The following GPATCH2 variants were observed in gnomAD, a reference collection of about 807,000 sequenced individuals.
The protein encoded by GPATCH2 is G-patch domain containing 2, also known as G patch domain-containing protein 2.
Under a neutral mutation model 58.0 loss-of-function variants are expected in GPATCH2, and 51 were observed. The observed-to-expected ratio is 0.88, with a 90% CI of 0.70 to 1.11. The LOEUF (loss-of-function observed/expected upper bound fraction) is 1.11. Ranked by LOEUF, GPATCH2 falls within the 50% of genes most tolerant of loss-of-function variation. The pLI, the probability that GPATCH2 is intolerant of heterozygous loss-of-function variation, is 0.00. For synonymous variants in GPATCH2, 222 were observed against 218.5 expected (o/e 1.02, Z -0.14); for missense variants, 625 against 652.2 (o/e 0.96, Z 0.45).
At chr1:217,563,761 T>C (rs1294112366) in intron 5 of GPATCH2, among the ~76,000 whole-genome samples, 2 of 152,132 alleles carry the variant, frequency 1.3e-5, no homozygotes, top group Non-Finnish European at 2.9e-5. Context: ...GAAGTATATG[T>C]AGGCCGGGCG....
chr1:217,600,530 A>AGAT (rs1668058634), intron 5 of GPATCH2, among the ~76,000 whole-genome samples: 1 of 152,180 alleles, frequency 6.6e-6, no homozygotes, highest in Non-Finnish European at 1.5e-5. Context: ...GATATCTGAC[A>AGAT]TATCTGAAGG....
chr1:217,557,268 G>C (rs140537306), intron 5 of GPATCH2, among the ~76,000 whole-genome samples: 1 of 151,992 alleles, frequency 6.6e-6, no homozygotes, highest in Non-Finnish European at 1.5e-5. Context: ...TTGGCTGGGC[G>C]TGGTGGCGGG....
chr1:217,431,801 T>TCA (rs1458725583), intron 9 of GPATCH2, among the ~76,000 whole-genome samples: 2 of 152,188 alleles, frequency 1.3e-5, no homozygotes, highest in Non-Finnish European at 2.9e-5. Flanking sequence ...TTGTAATATC[T>TCA]CACATTTGCC....
intron 1 of GPATCH2, among the ~76,000 whole-genome samples, chr1:217,628,943 T>C (rs1450556012): frequency 1.3e-5 from 2 of 152,142 alleles, no homozygotes; most frequent in Admixed American, 6.5e-5. Context: ...GGGGGTATAC[T>C]GGAATCATCC....
intron 5 of GPATCH2, among the ~76,000 whole-genome samples, chr1:217,557,803 T>C (rs1348505511): frequency 6.6e-6 from 1 of 152,224 alleles, no homozygotes; most frequent in Non-Finnish European, 1.5e-5. Flanking sequence ...GCACCGATAC[T>C]ATACTGCCCA....
At chr1:217,431,456 TTG>T in intron 9 of GPATCH2, 91 bp from the exon 10 acceptor site, 1 of 801,414 alleles carries the variant, frequency 1.2e-6, no homozygotes, top group Non-Finnish European at 2.2e-6. Context: ...AAGTTTTGTT[TTG>T]TTTTGTTTTT....
At position 217,463,641 on chromosome 1, in the gene GPATCH2, C is replaced by CAAAAAAAA. The variant is rs201402598; in HGVS notation, c.1278-14312_1278-14305dup. 1.1e-3 allele frequency among the ~76,000 whole-genome samples: 93 copies of CAAAAAAAA among 82,450 alleles called. 2 individuals carry two copies. Among genetic ancestry groups the CAAAAAAAA allele is most frequent in the Non-Finnish European group, 1.5e-3 (68 of 45,024 alleles). The allele number at this position is 82,450 out of a possible 152,430, so 54.1% of individuals were successfully genotyped here. On this transcript the variant is annotated intron_variant, in intron 8 of 9. Coordinates refer to ENST00000366935, the MANE Select transcript of GPATCH2 (RefSeq NM_018040.5). ...GCAACATAGCAAGAACTTATCACTC[C>CAAAAAAAA]AAAAAAAAAAAAAAAAAAAAAAAAA...
chr1:217,629,946 A>G (rs1412810947), intron 1 of GPATCH2, among the ~76,000 whole-genome samples: 2 of 152,222 alleles, frequency 1.3e-5, no homozygotes, highest in Admixed American at 1.3e-4. Flanking sequence ...ACAGACTACT[A>G]GAATTCCTCA....
intron 5 of GPATCH2, among the ~76,000 whole-genome samples, chr1:217,586,418 C>T (rs1259226478): frequency 6.6e-6 from 1 of 151,696 alleles, no homozygotes; most frequent in Non-Finnish European, 1.5e-5. Flanking sequence ...CAAACACACA[C>T]ATTAGCCCAG....
At chr1:217,574,060 C>A (rs1430888235) in intron 5 of GPATCH2, among the ~76,000 whole-genome samples, 3 of 152,042 alleles carry the variant, frequency 2.0e-5, no homozygotes, top group Non-Finnish European at 4.4e-5. Context: ...AACATGGATA[C>A]CAAATAGGAA....
intron 5 of GPATCH2, among the ~76,000 whole-genome samples, chr1:217,528,856 G>A (rs79538232): frequency 0.01 from 1,555 of 152,268 alleles, 14 homozygotes; most frequent in Non-Finnish European, 0.014. Context: ...ACTGTCTTGG[G>A]ATTCAAGAAA....
intron 7 of GPATCH2, among the ~76,000 whole-genome samples, chr1:217,492,983 A>C (rs1661822613): frequency 6.6e-6 from 1 of 152,226 alleles, no homozygotes; most frequent in South Asian, 2.1e-4. Context: ...TTGAGAAGGA[A>C]TAGACCTTCC....
At chr1:217,550,090 C>T (rs1156859768) in intron 5 of GPATCH2, among the ~76,000 whole-genome samples, 1 of 152,060 alleles carries the variant, frequency 6.6e-6, no homozygotes, top group African/African-American at 2.4e-5. Context: ...TTTTATCCCA[C>T]AGAATATAAG....
chr1:217,626,795 C>T (rs759817045), intron 1 of GPATCH2, among the ~76,000 whole-genome samples: 7 of 152,026 alleles, frequency 4.6e-5, no homozygotes, highest in Middle Eastern at 6.8e-3. Context: ...CACTAAATGT[C>T]GACACTTATG....
At chr1:217,566,590 C>A (rs1282622392) in intron 5 of GPATCH2, among the ~76,000 whole-genome samples, 1 of 152,118 alleles carries the variant, frequency 6.6e-6, no homozygotes, top group Non-Finnish European at 1.5e-5. Flanking sequence ...ACTCATCAAT[C>A]CAATTATTAA....
chr1:217,607,295 T>C (rs76321283), intron 5 of GPATCH2, among the ~76,000 whole-genome samples: 56 of 152,344 alleles, frequency 3.7e-4, no homozygotes, highest in Non-Finnish European at 6.3e-4. Context: ...CAGGTGACTT[T>C]CTTCCTACTC....
chr1:217,439,758 A>C (rs959213811), intron 9 of GPATCH2, among the ~76,000 whole-genome samples: 9 of 152,228 alleles, frequency 5.9e-5, no homozygotes, highest in Non-Finnish European at 1.5e-5. Flanking sequence ...TAAACTAGAA[A>C]ATCTAGAAGA....
intron 6 of GPATCH2, among the ~76,000 whole-genome samples, chr1:217,512,928 T>G (rs1382707755): frequency 2.0e-5 from 3 of 152,178 alleles, no homozygotes; most frequent in African/African-American, 7.2e-5. Context: ...CTTGCCAAAC[T>G]GGATATATGC....
chr1:217,630,471 G>A (rs1214564515), intron 1 of GPATCH2, among the ~76,000 whole-genome samples: 2 of 152,094 alleles, frequency 1.3e-5, no homozygotes, highest in African/African-American at 4.8e-5. Context: ...AAAAAAGGGG[G>A]TGAGAGGGTG....
Sources: allele counts gnomAD v4.1 joint callset (sites outside exome capture counted in the v4.1 genomes callset), GRCh38; gene constraint gnomAD v4.1.1; transcripts MANE v1.5; gene names NCBI Gene and HGNC (gene_info 2026-07-23, HGNC 2026-07-21).